The following TCF3 variants were observed in gnomAD, a reference collection of about 807,000 sequenced individuals.
TCF3 encodes the protein transcription factor E2-alpha.
TCF3 carries 54 observed loss-of-function variants against 72.3 expected under a neutral mutation model. The observed-to-expected ratio is 0.75, with a 90% CI of 0.60 to 0.94. The LOEUF (loss-of-function observed/expected upper bound fraction) is 0.94, where lower values mean the gene tolerates loss of function less well. TCF3 is among the 40% of genes least tolerant of loss of function. The pLI, the probability that TCF3 is intolerant of heterozygous loss-of-function variation, is 0.00. For synonymous variants in TCF3, 525 were observed against 412.6 expected, an observed-to-expected ratio of 1.27 and a Z score of -3.30; for missense variants, 1,078 against 934.4, an observed-to-expected ratio of 1.15 and a Z score of -2.00.
At chr19:1,623,896 G>A (rs2062563053) in intron 8 of TCF3, 55 bp downstream of exon 8, 1 of 1,581,428 alleles carries the variant, frequency 6.3e-7, no homozygotes, top group Non-Finnish European at 8.7e-7. Flanking sequence ...CAGGACACAG[G>A]GCCTGGCACT....
chr19:1,621,740 G>A (rs1382898083), intron 11 of TCF3, 98 bp downstream of exon 11: 78 of 1,416,734 alleles, frequency 5.5e-5, no homozygotes, highest in African/African-American at 2.6e-4. Context: ...CAGCAGACGC[G>A]CCTGCGCCTC....
chr19:1,616,859 AG>A (rs1366231840), intron 16 of TCF3, among the ~76,000 whole-genome samples: 1 of 152,252 alleles, frequency 6.6e-6, no homozygotes, highest in African/African-American at 2.4e-5. Flanking sequence ...TACCAGGAAA[AG>A]AAAAGCATTT....
intron 11 of TCF3, 122 bp from the exon 12 acceptor site, chr19:1,621,313 G>T (rs781316179): frequency 9.9e-5 from 122 of 1,238,334 alleles, no homozygotes; most frequent in Non-Finnish European, 1.2e-4. Context: ...AGCCTGACTC[G>T]GGTCCGGTTT....
intron 13 of TCF3, among the ~76,000 whole-genome samples, chr19:1,620,494 A>T (rs567702122): frequency 1.3e-5 from 2 of 152,318 alleles, no homozygotes; most frequent in African/African-American, 4.8e-5. Context: ...ACACGCACAC[A>T]TTCTAGAGTC....
chr19:1,634,465 A>G (rs1329413036), intron 3 of TCF3, among the ~76,000 whole-genome samples: 1 of 152,202 alleles, frequency 6.6e-6, no homozygotes, highest in African/African-American at 2.4e-5. Context: ...AGAGGGCCCC[A>G]GGAGCGGCCC....
At chr19:1,627,458 C>G in intron 5 of TCF3, 32 bp from the exon 6 acceptor site, 1 of 1,606,338 alleles carries the variant, frequency 6.2e-7, no homozygotes, top group Non-Finnish European at 8.5e-7. Context: ...TAGTGGGAGG[C>G]GACCCCAAGG....
Position 1,634,547 on chromosome 19 carries a change from G to A in TCF3, c.146-2142C>T, listed in dbSNP as rs2064143010. On this transcript the variant is annotated intron_variant, in intron 3 of 18. Transcript: ENST00000262965. ...GCCCACCTGCCTGGGCTGCCGTGAG[G>A]ATAACAATGAAAGATGCTGCTTCAG... Among the ~76,000 whole-genome samples the A allele has an allele frequency of 3.3e-5, 5 of 152,354 alleles. No homozygotes were observed. In the South Asian group the frequency reaches 1.0e-3, roughly 32 times the overall value.
chr19:1,628,970 CA>C lies in TCF3; in HGVS notation c.299-1545del, dbSNP rs1228764661. Among the ~76,000 whole-genome samples the C allele has an allele frequency of 3.3e-5, 2 of 60,326 alleles. 1 individual carries two copies. Among genetic ancestry groups the C allele is most frequent in the Non-Finnish European group, 6.2e-5 (2 of 32,194 alleles). 39.6% of individuals were successfully genotyped at this position (60,326 alleles called of 152,430 possible). A position where few individuals can be genotyped will look rare whatever the true frequency, so the allele number is the denominator to read the frequency against. ...GGCGGGAAGGGGACAGCAGAGCTCA[CA>C]GGGGGTGAGGCGGGAAGGGGACAGC... On this transcript the variant is annotated intron_variant, in intron 5 of 18. Coordinates refer to ENST00000262965, the MANE Select transcript of TCF3 (RefSeq NM_003200.5).
intron 2 of TCF3, 116 bp from the exon 3 acceptor site, chr19:1,646,543 G>A: frequency 1.0e-5 from 9 of 894,360 alleles, no homozygotes; most frequent in East Asian, 5.3e-5. Context: ...CTGAGACTGC[G>A]CTCCATCTAG....
chr19:1,652,565 G>A lies in TCF3; in HGVS notation c.-305C>T, dbSNP rs1183391578. The stretch of plus-strand genomic sequence containing the variant: ...CGCCGCGTCGGCTCCGGCCCGCTAC[G>A]CCCGCAGCCGCCGCCGCTGCCTCAT... On this transcript the variant is annotated 5_prime_UTR_variant, in exon 1 of 19. Coordinates refer to ENST00000262965, the MANE Select transcript of TCF3 (RefSeq NM_003200.5). The A allele has an allele frequency of 4.8e-5, 7 of 145,564 alleles. No individual in the cohort carries two copies. The highest frequency in any genetic ancestry group is 1.1e-4 in the Non-Finnish European group (7 of 65,506). 9.0% of individuals were successfully genotyped at this position (145,564 alleles called of 1,614,324 possible). A position where few individuals can be genotyped will look rare whatever the true frequency, so the allele number is the denominator to read the frequency against.
chr19:1,622,037 C>CCTG lies in TCF3; in HGVS notation c.822+14_822+16dup, dbSNP rs1568373782. The CCTG allele has an allele frequency of 6.3e-7, 1 of 1,598,702 alleles. No individual in the cohort carries two copies. The highest frequency in any genetic ancestry group is 1.1e-5 in the South Asian group (1 of 88,560). Reference sequence around the variant, plus strand: ...GCCACCCTCCGCCCACCCCCTGCCCCCTGCCCTGGGTCCTACCATACGCTC... The same window carrying CCTG: ...GCCACCCTCCGCCCACCCCCTGCCCCCTGCTGCCCTGGGTCCTACCATACGCTC... On this transcript the variant is annotated intron_variant, in intron 10 of 18. Coordinates refer to ENST00000262965, the MANE Select transcript of TCF3 (RefSeq NM_003200.5).
At chr19:1,613,259 G>A (rs146590002) in intron 18 of TCF3, among the ~76,000 whole-genome samples, 5 of 152,152 alleles carry the variant, frequency 3.3e-5, no homozygotes, top group Non-Finnish European at 5.9e-5. Flanking sequence ...GTGTGTGTAC[G>A]CGACTGGCTG....
chr19:1,626,682 G>A (rs1056250127), intron 6 of TCF3, among the ~76,000 whole-genome samples: 8 of 152,316 alleles, frequency 5.3e-5, no homozygotes, highest in Admixed American at 5.2e-4. Context: ...TGTAAAATGG[G>A]CACGTAGGCC....
chr19:1,639,169 G>A (rs574073413), intron 3 of TCF3, among the ~76,000 whole-genome samples: 9 of 152,262 alleles, frequency 5.9e-5, no homozygotes, highest in African/African-American at 2.2e-4. Flanking sequence ...TCAGCCTCCC[G>A]AGCAGCTGGG....
At chr19:1,632,142 A>T in intron 4 of TCF3, 26 bp from the exon 5 acceptor site, 1 of 1,608,290 alleles carries the variant, frequency 6.2e-7, no homozygotes, top group Non-Finnish European at 8.5e-7. Flanking sequence ...TGGGGATGAG[A>T]GGTGCTGGGG....
At chr19:1,624,722 C>T (rs924836226) in intron 7 of TCF3, among the ~76,000 whole-genome samples, 3 of 152,350 alleles carry the variant, frequency 2.0e-5, no homozygotes, top group Non-Finnish European at 2.9e-5. Flanking sequence ...GGGAAAAGTT[C>T]GAGTGGCCCA....
intron 3 of TCF3, among the ~76,000 whole-genome samples, chr19:1,638,434 C>G (rs1269981995): frequency 1.3e-5 from 2 of 152,164 alleles, no homozygotes; most frequent in Non-Finnish European, 2.9e-5. Flanking sequence ...AGGCGCCCAC[C>G]ACCGCGCCCG....
chr19:1,620,622 G>A (rs1477096914), intron 13 of TCF3, among the ~76,000 whole-genome samples: 5 of 152,172 alleles, frequency 3.3e-5, no homozygotes, highest in African/African-American at 1.2e-4. Context: ...CTTTGCCTGT[G>A]CTGTGACCTA....
At position 1,646,442 on chromosome 19, in the gene TCF3, G is replaced by C; in HGVS notation, c.73-15C>G. 1 of 1,549,646 alleles carries C rather than the reference G, an allele frequency of 6.5e-7. No homozygotes were observed. The highest frequency in any genetic ancestry group is 8.7e-7 in the Non-Finnish European group (1 of 1,146,392). ...AGCGGGAACATCTGCAGGGAGGGGA[G>C]GGGAGACGTGAGCGGGGCGGGTGGC... On this transcript the variant is annotated splice_polypyrimidine_tract_variant and intron_variant, in intron 2 of 18. Transcript: ENST00000262965.
Sources: gnomAD v4.1 joint callset for allele counts (sites outside exome capture counted in the v4.1 genomes callset) on GRCh38, gnomAD v4.1.1 for gene constraint, MANE v1.5 for transcripts, NCBI Gene and HGNC (gene_info 2026-07-23, HGNC 2026-07-21) for gene names.